KCNG3: variants seen among roughly 807,000 people sequenced by gnomAD.
The protein encoded by KCNG3 is potassium voltage-gated channel modifier subfamily G member 3, also known as voltage-gated potassium channel regulatory subunit KCNG3.
In KCNG3, 15 loss-of-function variants were observed where a neutral mutation model predicts 29.0. The ratio of observed to expected loss-of-function variants is 0.52; its 90% CI spans 0.35 to 0.80. The LOEUF is 0.80. Among genes scored for constraint, KCNG3 ranks in the 30% least tolerant of loss-of-function variants. The pLI is 0.01. For missense variants in KCNG3, 512 were observed against 605.7 expected (o/e 0.85, Z 1.62); for synonymous variants, 322 against 248.9 (o/e 1.29, Z -2.76).
chr2:42,425,356 G>A, the KCNG3 span, among the ~76,000 whole-genome samples: 7 of 140,574 alleles, frequency 5.0e-5, no homozygotes, highest in East Asian at 1.5e-3. Flanking sequence ...CTAAGGTCCC[G>A]CCACTGCACT....
Position 42,444,261 on chromosome 2 carries a change from G to C in KCNG3, c.984C>G (p.Val328=), listed in dbSNP as rs777524927. The C allele has an allele frequency of 9.3e-6, 15 of 1,614,070 alleles. No individual in the cohort carries two copies. The East Asian group carries it at 3.1e-4, about 34-fold the overall frequency. ...AGATTGCCATGGCAACACAAATGAAGACAAGTAACATAACCATCTCTCGGT... is the reference window on the plus strand; with the variant it reads ...AGATTGCCATGGCAACACAAATGAACACAAGTAACATAACCATCTCTCGGT... ...RCYREMVMLL[V]FICVAMAIFS... is the part of the protein sequence containing the mutation. The change falls in exon 2 of 2, where the codon GTC becomes GTG. Residue 328 remains valine, a synonymous_variant. Transcript: ENST00000306078. The surrounding 1 kb of genome is among the most constrained non-coding windows in gnomAD (Gnocchi z 5.8).
chr2:42,429,303 A>G, the KCNG3 span, among the ~76,000 whole-genome samples: 1 of 152,220 alleles, frequency 6.6e-6, no homozygotes, highest in Non-Finnish European at 1.5e-5. Flanking sequence ...GAAGAGATCT[A>G]GAAATCTGCT....
intron 1 of KCNG3, among the ~76,000 whole-genome samples, chr2:42,465,098 T>G (rs1248689815): frequency 1.3e-5 from 2 of 152,184 alleles, no homozygotes; most frequent in Non-Finnish European, 2.9e-5. Flanking sequence ...TTAGAGATAA[T>G]GCATTACTAT....
In KCNG3 at chr2:42,443,289, G is replaced by A. The variant is rs1044391997; in HGVS notation, c.*645C>T. On this transcript the variant is annotated 3_prime_UTR_variant, in exon 2 of 2. Coordinates refer to ENST00000306078, the MANE Select transcript of KCNG3 (RefSeq NM_133329.6). ...AAGAGATAAATCCAAAATGGAAAAG[G>A]GAGAACATACTCAAGCTTCCATGAA... 1 of 152,434 alleles carries A rather than the reference G, an allele frequency of 6.6e-6. No homozygotes were observed. Among genetic ancestry groups the A allele is most frequent in the African/African-American group, 2.4e-5 (1 of 41,406 alleles). The allele number at this position is 152,434 out of a possible 1,614,324, so 9.4% of individuals were successfully genotyped here.
chr2:42,490,326 A>T (rs1316160032), intron 1 of KCNG3, among the ~76,000 whole-genome samples: 1 of 152,150 alleles, frequency 6.6e-6, no homozygotes, highest in Non-Finnish European at 1.5e-5. Context: ...CTGTAGTCCT[A>T]GCACTTTGGA....
chr2:42,399,670 C>T, the KCNG3 span, among the ~76,000 whole-genome samples: 2 of 151,962 alleles, frequency 1.3e-5, no homozygotes, highest in Non-Finnish European at 2.9e-5. Context: ...AGTGTGGAGA[C>T]AGAAGAGAAA....
At chr2:42,407,999 C>T in the KCNG3 span, among the ~76,000 whole-genome samples, 1 of 152,206 alleles carries the variant, frequency 6.6e-6, no homozygotes, top group East Asian at 1.9e-4. Context: ...CTGTTGGTGC[C>T]CACGCCGATC....
At chr2:42,405,500 G>A in the KCNG3 span, among the ~76,000 whole-genome samples, 106 of 151,174 alleles carry the variant, frequency 7.0e-4, no homozygotes, top group Non-Finnish European at 1.2e-3. Context: ...ATGCAGTGGC[G>A]TGATCTCAGC....
chr2:42,492,781 G>T, intron 1 of KCNG3, 56 bp downstream of exon 1: 1 of 1,372,996 alleles, frequency 7.3e-7, no homozygotes. Context: ...ACGTATGGAC[G>T]GGACGGACAG....
the KCNG3 span, among the ~76,000 whole-genome samples, chr2:42,393,557 T>C: frequency 2.6e-5 from 4 of 151,662 alleles, no homozygotes; most frequent in Non-Finnish European, 5.9e-5. Context: ...TGAGACTCTG[T>C]CTCAAAAACA....
chr2:42,484,934 T>C (rs1572865843), intron 1 of KCNG3, among the ~76,000 whole-genome samples: 1 of 152,246 alleles, frequency 6.6e-6, no homozygotes, highest in East Asian at 1.9e-4. Context: ...TACTGACTTC[T>C]GAAAATATCC....
At chr2:42,470,423 A>G (rs1310485150) in intron 1 of KCNG3, among the ~76,000 whole-genome samples, 1 of 152,210 alleles carries the variant, frequency 6.6e-6, no homozygotes, top group Non-Finnish European at 1.5e-5. Flanking sequence ...TGTACTCCAG[A>G]CACTTCGAGG....
the KCNG3 span, among the ~76,000 whole-genome samples, chr2:42,412,048 T>C: frequency 6.6e-6 from 1 of 152,220 alleles, no homozygotes; most frequent in Non-Finnish European, 1.5e-5. Flanking sequence ...CTGTGGTGGC[T>C]GGCAAGCCAG....
chr2:42,473,298 T>C (rs1316743196), intron 1 of KCNG3, among the ~76,000 whole-genome samples: 2 of 152,144 alleles, frequency 1.3e-5, no homozygotes, highest in African/African-American at 2.4e-5. Context: ...AAAGACTTTA[T>C]AATGACTTTT....
chr2:42,482,876 T>G (rs906069566), intron 1 of KCNG3, among the ~76,000 whole-genome samples: 1 of 152,074 alleles, frequency 6.6e-6, no homozygotes, highest in Non-Finnish European at 1.5e-5. Flanking sequence ...ATCCCAACAC[T>G]TTGGGAGACC....
At chr2:42,398,603 A>C in the KCNG3 span, among the ~76,000 whole-genome samples, 2 of 152,226 alleles carry the variant, frequency 1.3e-5, no homozygotes, top group Non-Finnish European at 2.9e-5. Context: ...GAGCAAATAC[A>C]ACTTGCAACA....
the KCNG3 span, among the ~76,000 whole-genome samples, chr2:42,414,683 T>TA: frequency 2.6e-5 from 4 of 152,180 alleles, no homozygotes; most frequent in Non-Finnish European, 5.9e-5. Context: ...TTCACTCTAT[T>TA]ATTTCCTTCT....
intron 1 of KCNG3, among the ~76,000 whole-genome samples, chr2:42,470,871 G>C (rs1416683466): frequency 1.3e-5 from 2 of 150,468 alleles, no homozygotes; most frequent in African/African-American, 4.9e-5. Flanking sequence ...AAAAAGAAGT[G>C]GGGGGCCAGG....
downstream of KCNG3, among the ~76,000 whole-genome samples, chr2:42,439,265 A>G (rs1030391967): frequency 6.3e-5 from 8 of 126,502 alleles, no homozygotes; most frequent in Non-Finnish European, 1.0e-4. Flanking sequence ...ATATATATAT[A>G]TGATTTTTTT....
Sources: gnomAD v4.1 joint callset for allele counts (sites outside exome capture counted in the v4.1 genomes callset) on GRCh38, gnomAD v4.1.1 for gene constraint, Gnocchi (gnomAD v3.1) non-coding constraint, MANE v1.5 for transcripts, NCBI Gene and HGNC (gene_info 2026-07-23, HGNC 2026-07-21) for gene names.